Variants in TH observed in about 807,000 individuals in gnomAD.
TH encodes the protein tyrosine 3-monooxygenase.
TH carries 49 observed loss-of-function variants against 57.4 expected under a neutral mutation model. The ratio of observed to expected loss-of-function variants is 0.85; its 90% CI spans 0.68 to 1.08. TH has a LOEUF of 1.08. Ranked by LOEUF, TH falls within the 50% of genes least tolerant of loss-of-function variation. The probability of loss-of-function intolerance (pLI) is 0.00; values close to 1 mark genes in which losing one functional copy is unlikely to be tolerated. For synonymous variants in TH, 330 were observed against 304.5 expected (o/e 1.08, Z -0.87); for missense variants, 720 against 696.7 (o/e 1.03, Z -0.38).
rs1043746533 is a variant in TH at position 2,171,348 on chromosome 11, G to A, written c.90+349C>T. ...AGGGTGGGGGCTGGGTGCAGCAGCC[G>A]GGGACCTCTGGCCATCTTGGATTTT... On this transcript the variant is annotated intron_variant, in intron 1 of 12. Transcript: ENST00000352909. The surrounding 1 kb of genome is among the most constrained non-coding windows in gnomAD (Gnocchi z 8.6). Among the ~76,000 whole-genome samples the A allele has an allele frequency of 2.6e-5, 4 of 151,910 alleles. No homozygotes were observed. Among genetic ancestry groups the A allele is most frequent in the African/African-American group, 7.3e-5 (3 of 41,328 alleles).
Position 2,164,406 on chromosome 11 carries a change from C to A in TH, c.1335-14G>T. 2 of 1,538,200 alleles carry A rather than the reference C, an allele frequency of 1.3e-6. No homozygotes were observed. Among genetic ancestry groups the A allele is most frequent in the South Asian group, 1.2e-5 (1 of 81,034 alleles). On this transcript the variant is annotated splice_polypyrimidine_tract_variant and intron_variant, in intron 12 of 12. Transcript: ENST00000352909. ...GAGGCATAGCTCCTGGGGAGGAGAGCGGCAGAGCCCTCGTCAACTGGCGGG... is the reference window on the plus strand; with the variant it reads ...GAGGCATAGCTCCTGGGGAGGAGAGAGGCAGAGCCCTCGTCAACTGGCGGG...
chr11:2,167,719 T>C, intron 5 of TH, 147 bp downstream of exon 5: 2 of 1,182,162 alleles, frequency 1.7e-6, no homozygotes, highest in Non-Finnish European at 2.4e-6. Flanking sequence ...TTTGGGGACA[T>C]GGAAAGCCCT....
At position 2,171,459 on chromosome 11, in the gene TH, G is replaced by A. The variant is rs185566584; in HGVS notation, c.90+238C>T. 3.3e-5 allele frequency among the ~76,000 whole-genome samples: 5 copies of A among 151,876 alleles called. No individual in the cohort carries two copies. The South Asian group carries it at 1.0e-3, about 32-fold the overall frequency. ...ACCCACACGACCCCCGAGAGAGGTC[G>A]GCCTAAGAGGGGCACACACAGGGAC... On this transcript the variant is annotated intron_variant, in intron 1 of 12. Transcript: ENST00000352909. The surrounding 1 kb of genome is among the most constrained non-coding windows in gnomAD (Gnocchi z 8.6).
At position 2,166,856 on chromosome 11, in the gene TH, C is replaced by A. The variant is rs539908550; in HGVS notation, c.841+31G>T. 70 of 1,594,786 alleles carry A rather than the reference C, an allele frequency of 4.4e-5. 1 individual carries two copies. The South Asian group carries it at 7.8e-4, about 18-fold the overall frequency. ...CGCTTGGCTGACCATCCCCGGCCCCCCGGCTCTGCGCCCCTCCCGTCTGGG... is the reference window on the plus strand; with the variant it reads ...CGCTTGGCTGACCATCCCCGGCCCCACGGCTCTGCGCCCCTCCCGTCTGGG... On this transcript the variant is annotated intron_variant, in intron 7 of 12. Coordinates refer to ENST00000352909, the MANE Select transcript of TH (RefSeq NM_000360.4).
chr11:2,170,843 GCCCTGTGT>G lies in TH; in HGVS notation c.90+846_90+853del, dbSNP rs1564921142. 1 of 642,812 alleles carries G rather than the reference GCCCTGTGT, an allele frequency of 1.6e-6. No homozygotes were observed. The highest frequency in any genetic ancestry group is 1.8e-5 in the African/African-American group (1 of 54,662). The allele number at this position is 642,812 out of a possible 1,614,324, so 39.8% of individuals were successfully genotyped here. On this transcript the variant is annotated intron_variant, in intron 1 of 12. Transcript: ENST00000352909. This position sits in a 1 kb window ranked among gnomAD's most constrained non-coding sequence, Gnocchi z 6.0. ...AGGGCGGGGGAGGACGGGGGAGGGCGCCCTGTGTCCCTGAGAAGGTACCTGGAAATGAC... is the reference window on the plus strand; with the variant it reads ...AGGGCGGGGGAGGACGGGGGAGGGCGCCCTGAGAAGGTACCTGGAAATGAC...
intron 9 of TH, 124 bp from the exon 10 acceptor site, chr11:2,166,182 T>C: frequency 8.9e-7 from 1 of 1,122,474 alleles, no homozygotes; most frequent in Non-Finnish European, 1.3e-6. Context: ...GGCAGAGACC[T>C]TCCCTGGCCG....
intron 10 of TH, 52 bp from the exon 11 acceptor site, chr11:2,165,815 C>T: frequency 6.3e-7 from 1 of 1,582,280 alleles, no homozygotes; most frequent in South Asian, 1.1e-5. Flanking sequence ...GCCCACCGGG[C>T]AGCCCCTGGT....
chr11:2,170,645 G>T lies in TH; in HGVS notation c.91-774C>A. 1 of 1,467,808 alleles carries T rather than the reference G, an allele frequency of 6.8e-7. No individual in the cohort carries two copies. Among genetic ancestry groups the T allele is most frequent in the African/African-American group, 1.4e-5 (1 of 72,462 alleles). The allele number at this position is 1,467,808 out of a possible 1,614,324, so 90.9% of individuals were successfully genotyped here. A position where few individuals can be genotyped will look rare whatever the true frequency, so the allele number is the denominator to read the frequency against. ...CTGAGCTTCCAGGGTTGTGGAACAT[G>T]AAGGGGAGCAGCAGAAGCCCCTCCC... On this transcript the variant is annotated intron_variant, in intron 1 of 12. Coordinates refer to ENST00000352909, the MANE Select transcript of TH (RefSeq NM_000360.4). This position sits in a 1 kb window ranked among gnomAD's most constrained non-coding sequence, Gnocchi z 6.0.
In TH at chr11:2,168,191, A is replaced by T; in HGVS notation, c.488-12T>A. ...TGGGAACCAGGGGACTTTATGGGTG[A>T]TGGAGGAAGAGATCTTGGTGAGCTC... is the stretch of plus-strand genomic sequence containing the variant. On this transcript the variant is annotated splice_polypyrimidine_tract_variant and intron_variant, in intron 3 of 12. Transcript: ENST00000352909. 6.2e-7 allele frequency: 1 copy of T among 1,612,578 alleles called. No homozygotes were observed. Among genetic ancestry groups the T allele is most frequent in the Admixed American group, 1.7e-5 (1 of 60,022 alleles).
At position 2,170,230 on chromosome 11, in the gene TH, T is replaced by C. The variant is rs1234754409; in HGVS notation, c.91-359A>G. On this transcript the variant is annotated intron_variant, in intron 1 of 12. Transcript: ENST00000352909. The surrounding 1 kb of genome is among the most constrained non-coding windows in gnomAD (Gnocchi z 6.0). ...TTAGTGATGGGAAGAGGGCGATGTC[T>C]TGATGGACAGTGGCATCGGCTGCCG... Among the ~76,000 whole-genome samples, 1 of 152,108 alleles carries C rather than the reference T, an allele frequency of 6.6e-6. No individual in the cohort carries two copies. Among genetic ancestry groups the C allele is most frequent in the Admixed American group, 6.5e-5 (1 of 15,284 alleles).
chr11:2,165,991 G>C lies in TH; in HGVS notation c.1104+11C>G. ...CCACACCCCAGGCCCTGCAGGGAGG[G>C]GTCAACCCACCGTGGACAGCTTCTC... On this transcript the variant is annotated intron_variant, in intron 10 of 12. Coordinates refer to ENST00000352909, the MANE Select transcript of TH (RefSeq NM_000360.4). The C allele has an allele frequency of 6.4e-7, 1 of 1,559,832 alleles. No homozygotes were observed. The highest frequency in any genetic ancestry group is 8.7e-7 in the Non-Finnish European group (1 of 1,152,188).
Position 2,164,233 on chromosome 11 carries a change from C to A in TH, c.1494G>T (p.Ter498TyrextTer?). The A allele has an allele frequency of 6.9e-7, 1 of 1,456,672 alleles. No individual in the cohort carries two copies. 90.2% of individuals were successfully genotyped at this position (1,456,672 alleles called of 1,614,324 possible). A position where few individuals can be genotyped will look rare whatever the true frequency, so the allele number is the denominator to read the frequency against. ...TLAHALSAIG[*>Y] ...AAGGGCCCTCAGGGACGCCGTGCAC[C>A]TAGCCAATGGCACTCAGCGCATGGG... The change falls in exon 13 of 13, where the codon TAG (stop) becomes TAT (tyrosine). Residue 498 changes from the stop codon to tyrosine (Y), a stop_lost. Coordinates refer to ENST00000352909, the MANE Select transcript of TH (RefSeq NM_000360.4).
At position 2,166,405 on chromosome 11, in the gene TH, A is replaced by C. The variant is rs1029575424; in HGVS notation, c.1047+75T>G. Reference sequence around the variant, plus strand: ...CAGGCAGCACACTTCACCCACCCGCACATCGATCCCCGCCCGCCCCCGGCG... The same window carrying C: ...CAGGCAGCACACTTCACCCACCCGCCCATCGATCCCCGCCCGCCCCCGGCG... On this transcript the variant is annotated intron_variant, in intron 9 of 12. Transcript: ENST00000352909. The C allele has an allele frequency of 2.7e-6, 4 of 1,504,946 alleles. No individual in the cohort carries two copies. In the African/African-American group the frequency reaches 5.6e-5, roughly 21 times the overall value. 93.2% of individuals were successfully genotyped at this position (1,504,946 alleles called of 1,614,324 possible).
chr11:2,167,007 C>A lies in TH; in HGVS notation c.721G>T (p.Gly241Cys), dbSNP rs763404623. 2 of 1,588,322 alleles carry A rather than the reference C, an allele frequency of 1.3e-6. No homozygotes were observed. Among genetic ancestry groups the A allele is most frequent in the Non-Finnish European group, 1.7e-6 (2 of 1,167,888 alleles). Residue 241 changes from glycine (G) to cysteine (C), a missense_variant, in exon 7 of 13, where the codon GGC becomes TGC. Coordinates refer to ENST00000352909, the MANE Select transcript of TH (RefSeq NM_000360.4). ...CCGCAGGCGTGCGTGGCGTAGAGGC[C>A]CTTCAGCGTGGTGTAGACCTCCTTC... ...TWKEVYTTLK[G>C]LYATHACGEH...
In TH at chr11:2,166,272, C is replaced by G. The variant is rs999591578; in HGVS notation, c.1047+208G>C. The G allele has an allele frequency of 3.4e-6, 3 of 879,622 alleles. No homozygotes were observed. The African/African-American group carries it at 5.0e-5, about 15-fold the overall frequency. The allele number at this position is 879,622 out of a possible 1,614,324, so 54.5% of individuals were successfully genotyped here. ...CATTCCTAAGCCCGTGGGCGCCGTT[C>G]CCAGGTAGCCGGCAGGTGGCAGCAC... On this transcript the variant is annotated intron_variant, in intron 9 of 12. Coordinates refer to ENST00000352909, the MANE Select transcript of TH (RefSeq NM_000360.4).
rs1846123978 is a variant in TH at position 2,167,214 on chromosome 11, G to A, written c.696-182C>T. ...TGGCTTTAGGGAATCCCAGGGGATA[G>A]GGGGCCATGAGGGGCGGTCCCTCAG... On this transcript the variant is annotated intron_variant, in intron 6 of 12. Transcript: ENST00000352909. 4 of 1,046,204 alleles carry A rather than the reference G, an allele frequency of 3.8e-6. No individual in the cohort carries two copies. In the South Asian group the frequency reaches 6.4e-5, roughly 17 times the overall value. The allele number at this position is 1,046,204 out of a possible 1,614,324, so 64.8% of individuals were successfully genotyped here.
At chr11:2,167,363 C>A in intron 6 of TH, 72 bp downstream of exon 6, 1 of 1,506,748 alleles carries the variant, frequency 6.6e-7, no homozygotes, top group Middle Eastern at 1.8e-4. Flanking sequence ...CTGGAGGCGG[C>A]CCTCACACGC....
Position 2,168,117 on chromosome 11 carries a change from C to G in TH, c.550G>C (p.Asp184His). 6.2e-7 allele frequency: 1 copy of G among 1,613,522 alleles called. No individual in the cohort carries two copies. The highest frequency in any genetic ancestry group is 1.7e-5 in the Admixed American group (1 of 60,016). The change falls in exon 4 of 13, where the codon GAC becomes CAC. Residue 184 changes from aspartate (D) to histidine (H), a missense_variant. Transcript: ENST00000352909. Reference sequence around the variant, plus strand: ...GGGTGGTCCAAGTCCAGGTCAGGGTCGAACTTGGTGACCAGGTGATGACAC... The same window carrying G: ...GGGTGGTCCAAGTCCAGGTCAGGGTGGAACTTGGTGACCAGGTGATGACAC... Reference protein sequence around the residue: ...DKCHHLVTKFDPDLDLDHPGF... With the variant: ...DKCHHLVTKFHPDLDLDHPGF...
intron 2 of TH, 57 bp from the exon 3 acceptor site, chr11:2,168,722 A>AGGGGGGG: frequency 6.5e-6 from 1 of 152,776 alleles, no homozygotes. Flanking sequence ...AGATGGAGAG[A>AGGGGGGG]GAGGGTGGGG....
Sources: gnomAD v4.1 joint callset for allele counts (sites outside exome capture counted in the v4.1 genomes callset) on GRCh38, gnomAD v4.1.1 for gene constraint, Gnocchi (gnomAD v3.1) non-coding constraint, MANE v1.5 for transcripts, NCBI Gene and HGNC (gene_info 2026-07-23, HGNC 2026-07-21) for gene names.